TAS1R1: variants seen among roughly 807,000 people sequenced by gnomAD.
TAS1R1 encodes taste 1 receptor member 1, also known as taste receptor type 1 member 1.
A neutral mutation model predicts 45.8 loss-of-function variants in TAS1R1; 31 were observed. The observed-to-expected ratio is 0.68, with a 90% CI of 0.51 to 0.91. TAS1R1 has a LOEUF of 0.91. Among genes scored for constraint, TAS1R1 ranks in the 40% least tolerant of loss-of-function variants. The pLI, the probability that TAS1R1 is intolerant of heterozygous loss-of-function variation, is 0.00. For missense variants in TAS1R1, 1,051 were observed against 1,063.9 expected, an observed-to-expected ratio of 0.99 and a Z score of 0.17; for synonymous variants, 437 against 448.4, an observed-to-expected ratio of 0.97 and a Z score of 0.32.
At position 6,568,927 on chromosome 1, in the gene TAS1R1, C is replaced by T. The variant is rs535606376; in HGVS notation, c.192-1982C>T. ...GTATCGGGATCAGATGAGAAGGACC[C>T]GAGATGTTTTTCAATTTGGTAGAGG... On this transcript the variant is annotated intron_variant, in intron 1 of 5. Coordinates refer to ENST00000333172, the MANE Select transcript of TAS1R1 (RefSeq NM_138697.4). Among the ~76,000 whole-genome samples, 14 of 151,918 alleles carry T rather than the reference C, an allele frequency of 9.2e-5. No homozygotes were observed. In the South Asian group the frequency reaches 1.7e-3, roughly 18 times the overall value.
chr1:6,560,345 C>T (rs1321321312), intron 1 of TAS1R1, among the ~76,000 whole-genome samples: 2 of 152,172 alleles, frequency 1.3e-5, no homozygotes, highest in African/African-American at 2.4e-5. Flanking sequence ...GTCAGGCAAG[C>T]GTTTAGTAAC....
At chr1:6,569,812 G>A (rs995647914) in intron 1 of TAS1R1, among the ~76,000 whole-genome samples, 1 of 152,106 alleles carries the variant, frequency 6.6e-6, no homozygotes, top group South Asian at 2.1e-4. Flanking sequence ...ATTCAGAGAC[G>A]GTCAAGGATT....
intron 1 of TAS1R1, among the ~76,000 whole-genome samples, chr1:6,562,443 C>T (rs1428243772): frequency 6.6e-6 from 1 of 152,180 alleles, no homozygotes; most frequent in African/African-American, 2.4e-5. Context: ...GCTGGGATTA[C>T]AGGCATGAGC....
intron 1 of TAS1R1, among the ~76,000 whole-genome samples, chr1:6,568,427 C>A (rs1402960779): frequency 1.3e-5 from 2 of 151,068 alleles, no homozygotes; most frequent in African/African-American, 4.9e-5. Flanking sequence ...TGCACTCCAG[C>A]CTGGGCAAGA....
chr1:6,563,888 CAGG>C (rs996503960), intron 1 of TAS1R1, among the ~76,000 whole-genome samples: 2 of 152,038 alleles, frequency 1.3e-5, no homozygotes, highest in African/African-American at 4.8e-5. Context: ...GGGCTGAAAC[CAGG>C]AGATGTCTTG....
intron 1 of TAS1R1, among the ~76,000 whole-genome samples, chr1:6,567,187 C>T (rs1639888128): frequency 6.6e-6 from 1 of 152,158 alleles, no homozygotes; most frequent in African/African-American, 2.4e-5. Context: ...TCTGGTGGCA[C>T]ATGGACGCGA....
intron 1 of TAS1R1, among the ~76,000 whole-genome samples, chr1:6,570,072 G>A (rs184916504): frequency 4.9e-4 from 74 of 150,444 alleles, no homozygotes; most frequent in Non-Finnish European, 8.1e-4. Flanking sequence ...GGGGATGCCC[G>A]GCCAGAGCCT....
At chr1:6,577,203 G>A in intron 5 of TAS1R1, 133 bp downstream of exon 5, 1 of 1,348,474 alleles carries the variant, frequency 7.4e-7, no homozygotes, top group South Asian at 1.4e-5. Flanking sequence ...GTTAGCTTCA[G>A]GTTGGAGGAC....
chr1:6,572,381 T>G (rs962729807), intron 2 of TAS1R1, among the ~76,000 whole-genome samples: 3 of 150,200 alleles, frequency 2.0e-5, no homozygotes, highest in African/African-American at 7.4e-5. Context: ...CACCTCATAC[T>G]CCTAAGTAGC....
rs75192825 is a variant in TAS1R1, at chr1:6,576,396, T to C, written c.1261-19T>C. 2,590 of 1,613,054 alleles carry C rather than the reference T, an allele frequency of 1.6e-3. 40 individuals are homozygous for C. In the East Asian group the frequency reaches 0.024, roughly 15 times the overall value. ...GTCTGTGCTGTCTGTGGTGGCTTCA[T>C]GATACGCGTTTCTTTCAGCTTTTGG... On this transcript the variant is annotated intron_variant, in intron 3 of 5. Coordinates refer to ENST00000333172, the MANE Select transcript of TAS1R1 (RefSeq NM_138697.4).
intron 5 of TAS1R1, among the ~76,000 whole-genome samples, chr1:6,577,697 G>A (rs1426443147): frequency 1.3e-5 from 2 of 151,690 alleles, no homozygotes; most frequent in Non-Finnish European, 2.9e-5. Flanking sequence ...GCGTTGTGGC[G>A]TGTGCCTGTA....
At chr1:6,558,782 G>C (rs545651454) in intron 1 of TAS1R1, among the ~76,000 whole-genome samples, 1 of 151,668 alleles carries the variant, frequency 6.6e-6, no homozygotes, top group Non-Finnish European at 1.5e-5. Flanking sequence ...CAACTGCTGC[G>C]ATCTTGGCTC....
intron 5 of TAS1R1, 135 bp from the exon 6 acceptor site, chr1:6,578,518 G>A (rs895648999): frequency 1.9e-5 from 27 of 1,440,312 alleles, no homozygotes; most frequent in Middle Eastern, 2.4e-4. Flanking sequence ...CCCCACTCCC[G>A]GCTACCCCCA....
chr1:6,574,548 C>T lies in TAS1R1; in HGVS notation c.499-83C>T, dbSNP rs1191371855. On this transcript the variant is annotated intron_variant, in intron 2 of 5. Coordinates refer to ENST00000333172, the MANE Select transcript of TAS1R1 (RefSeq NM_138697.4). This position sits in a 1 kb window ranked among gnomAD's most constrained non-coding sequence, Gnocchi z 4.3. The stretch of plus-strand genomic sequence containing the variant: ...GTGCTCTCCTGGTCTCCCCGGCTCC[C>T]TGTATCCCCACACCCAGCACAGGGC... 2.0e-6 allele frequency: 3 copies of T among 1,500,148 alleles called. No individual in the cohort carries two copies. The highest frequency in any genetic ancestry group is 1.3e-5 in the South Asian group (1 of 75,574). 92.9% of individuals were successfully genotyped at this position (1,500,148 alleles called of 1,614,324 possible).
At position 6,575,341 on chromosome 1, in the gene TAS1R1, C is replaced by T. The variant is rs747518806; in HGVS notation, c.1209C>T (p.Leu403=). 1.2e-6 allele frequency: 2 copies of T among 1,606,376 alleles called. No individual in the cohort carries two copies. Among genetic ancestry groups the T allele is most frequent in the Middle Eastern group, 1.7e-4 (1 of 6,030 alleles). Residue 403 remains leucine (L), a synonymous_variant, in exon 3 of 6, where the codon CTC becomes CTT. Transcript: ENST00000333172. Reference sequence around the variant, plus strand: ...CGGTGGCCCATGGCCTCCACCAGCTCCTGGGCTGTGCCTCTGGAGCTTGTT... The same window carrying T: ...CGGTGGCCCATGGCCTCCACCAGCTTCTGGGCTGTGCCTCTGGAGCTTGTT... ...VYAVAHGLHQ[L]LGCASGACSR...
chr1:6,575,756 G>A lies in TAS1R1; in HGVS notation c.1260+364G>A, dbSNP rs11122099. ...TGCCCAGGCTGGAATGCAGTGGTGCGATCTTGGCTCACTGTGAGCTCCGCC... is the reference window on the plus strand; with the variant it reads ...TGCCCAGGCTGGAATGCAGTGGTGCAATCTTGGCTCACTGTGAGCTCCGCC... On this transcript the variant is annotated intron_variant, in intron 3 of 5. Coordinates refer to ENST00000333172, the MANE Select transcript of TAS1R1 (RefSeq NM_138697.4). Among the ~76,000 whole-genome samples the A allele has an allele frequency of 1.3e-3, 192 of 149,404 alleles. 3 individuals carry two copies. Among genetic ancestry groups the A allele is most frequent in the East Asian group, 1.0e-3 (5 of 5,018 alleles).
intron 1 of TAS1R1, among the ~76,000 whole-genome samples, 165 bp from the exon 2 acceptor site, chr1:6,570,744 G>A (rs1639987991): frequency 6.6e-6 from 1 of 152,184 alleles, no homozygotes; most frequent in Admixed American, 6.5e-5. Context: ...GGGCCAGCTT[G>A]TTCCTCCTAC....
intron 4 of TAS1R1, 118 bp downstream of exon 4, chr1:6,576,745 C>T (rs1640189543): frequency 1.4e-6 from 2 of 1,380,030 alleles, no homozygotes; most frequent in Admixed American, 2.0e-5. Context: ...CAGCTGCCAC[C>T]ACTCTACCCA....
At position 6,556,987 on chromosome 1, in the gene TAS1R1, C is replaced by T. The variant is rs143027478; in HGVS notation, c.191+1423C>T. 8.9e-3 allele frequency among the ~76,000 whole-genome samples: 1,130 copies of T among 126,868 alleles called. 12 individuals carry two copies. The highest frequency in any genetic ancestry group is 0.032 in the African/African-American group (1,053 of 32,726). The allele number at this position is 126,868 out of a possible 152,430, so 83.2% of individuals were successfully genotyped here. ...TCACACCATTGCATTCCAACCCGGG[C>T]GACAGAGCGAGGCTCCATCTCAAAA... On this transcript the variant is annotated intron_variant, in intron 1 of 5. Coordinates refer to ENST00000333172, the MANE Select transcript of TAS1R1 (RefSeq NM_138697.4).
Sources: allele counts gnomAD v4.1 joint callset (sites outside exome capture counted in the v4.1 genomes callset), GRCh38; gene constraint gnomAD v4.1.1; non-coding constraint Gnocchi (gnomAD v3.1); transcripts MANE v1.5; gene names NCBI Gene and HGNC (gene_info 2026-07-23, HGNC 2026-07-21).